C3orf20: variants seen among roughly 807,000 people sequenced by gnomAD.
The protein encoded by C3orf20 is family with sequence similarity 149 member C, also known as uncharacterized protein C3orf20.
A neutral mutation model predicts 88.3 loss-of-function variants in C3orf20; 76 were observed. The ratio of observed to expected loss-of-function variants is 0.86; its 90% CI spans 0.72 to 1.04. C3orf20 has a LOEUF of 1.04. Ranked by LOEUF, C3orf20 falls within the 50% of genes least tolerant of loss-of-function variation. C3orf20 has a pLI of 0.00. For missense variants in C3orf20, 1,056 were observed against 1,123.3 expected, an observed-to-expected ratio of 0.94 and a Z score of 0.86; for synonymous variants, 436 against 437.4, an observed-to-expected ratio of 1.00 and a Z score of 0.04.
chr3:14,757,722 A>G, intron 13 of C3orf20, 48 bp downstream of exon 13: 1 of 1,550,042 alleles, frequency 6.5e-7, no homozygotes, highest in Non-Finnish European at 8.7e-7. Context: ...GGGCAGGGGT[A>G]GTGGGGCAGT....
chr3:14,684,346 G>A lies in C3orf20; in HGVS notation c.589G>A (p.Gly197Arg), dbSNP rs566159298. ...CTTCAACTGCCTGATCAGCACAGCC[G>A]GGAGAAGTGGCTACAGCAGCGGACA... ...MAFNCLISTA[G>R]RSGYSSGQLW... The change falls in exon 4 of 17, where the codon GGG (glycine) becomes AGG (arginine). Residue 197 changes from glycine to arginine, a missense_variant. Physicochemically the swap from Gly to Arg is moderately radical, Grantham distance 125 (BLOSUM62 -2). Transcript: ENST00000253697. 3.6e-5 allele frequency: 58 copies of A among 1,614,136 alleles called. No homozygotes were observed. Among genetic ancestry groups the A allele is most frequent in the East Asian group, 3.6e-4 (16 of 44,884 alleles).
intron 15 of C3orf20, among the ~76,000 whole-genome samples, chr3:14,764,480 TTTATTATTA>T (rs374160361): frequency 1.1e-4 from 16 of 148,746 alleles, no homozygotes; most frequent in East Asian, 5.9e-4. Flanking sequence ...AACACAATCG[TTTATTATTA>T]TTATTATTAT....
intron 14 of C3orf20, among the ~76,000 whole-genome samples, chr3:14,761,020 G>A (rs2035545524): frequency 6.6e-6 from 1 of 152,100 alleles, no homozygotes; most frequent in Admixed American, 6.5e-5. Context: ...TGACCTATGG[G>A]GGTGGGAGCC....
At chr3:14,732,983 G>A (rs2034587676) in intron 12 of C3orf20, among the ~76,000 whole-genome samples, 2 of 152,056 alleles carry the variant, frequency 1.3e-5, no homozygotes, top group Non-Finnish European at 2.9e-5. Flanking sequence ...AATTATCTTT[G>A]CACCTTTGGG....
At chr3:14,735,945 C>CT (rs895267860) in intron 12 of C3orf20, among the ~76,000 whole-genome samples, 2 of 152,234 alleles carry the variant, frequency 1.3e-5, no homozygotes, top group East Asian at 3.9e-4. Flanking sequence ...CACATATTTA[C>CT]TTTTTTCATT....
At chr3:14,740,280 C>T (rs1041938281) in intron 12 of C3orf20, among the ~76,000 whole-genome samples, 1 of 152,096 alleles carries the variant, frequency 6.6e-6, no homozygotes, top group Non-Finnish European at 1.5e-5. Context: ...TGTTATGCCT[C>T]AGGGAATAGG....
chr3:14,719,125 GTT>G lies in C3orf20; in HGVS notation c.1435-2512_1435-2511del, dbSNP rs35504025. On this transcript the variant is annotated intron_variant, in intron 9 of 16. Coordinates refer to ENST00000253697, the MANE Select transcript of C3orf20 (RefSeq NM_032137.5). ...CACTCTTCATAGCCTTTGGGTCATTGTTTTTTTTTTTTTTTTTAATTTTTTCA... is the reference window on the plus strand; with the variant it reads ...CACTCTTCATAGCCTTTGGGTCATTGTTTTTTTTTTTTTTTAATTTTTTCA... Among the ~76,000 whole-genome samples, 151 of 133,174 alleles carry G rather than the reference GTT, an allele frequency of 1.1e-3. 2 individuals carry two copies. The highest frequency in any genetic ancestry group is 4.8e-3 in the Admixed American group (64 of 13,328). The allele number at this position is 133,174 out of a possible 152,430, so 87.4% of individuals were successfully genotyped here. A position where few individuals can be genotyped will look rare whatever the true frequency, so the allele number is the denominator to read the frequency against.
rs2035780486 is a variant in C3orf20, at chr3:14,768,583, G to A, written c.2496-3484G>A. 1.3e-5 allele frequency among the ~76,000 whole-genome samples: 2 copies of A among 151,988 alleles called. No homozygotes were observed. The highest frequency in any genetic ancestry group is 4.8e-5 in the African/African-American group (2 of 41,290). On this transcript the variant is annotated intron_variant, in intron 15 of 16. Transcript: ENST00000253697. The surrounding 1 kb of genome is among the most constrained non-coding windows in gnomAD (Gnocchi z 4.1). ...AGGGACTGGGTTGGGGCTAAGCAGG[G>A]TATCATGAGCTTGTCACAGCAGCAG...
chr3:14,705,457 A>G (rs1472717954), intron 7 of C3orf20, among the ~76,000 whole-genome samples: 11 of 152,236 alleles, frequency 7.2e-5, no homozygotes, highest in Non-Finnish European at 1.6e-4. Context: ...GTCACGTGCA[A>G]TGAAGTCAGA....
chr3:14,704,905 C>G (rs149222155), intron 7 of C3orf20, among the ~76,000 whole-genome samples: 85 of 152,330 alleles, frequency 5.6e-4, no homozygotes, highest in African/African-American at 1.9e-3. Flanking sequence ...AAGTCCCTGC[C>G]TTTGAGAACC....
At chr3:14,709,648 C>A (rs1295401515) in intron 7 of C3orf20, among the ~76,000 whole-genome samples, 1 of 152,132 alleles carries the variant, frequency 6.6e-6, no homozygotes, top group Non-Finnish European at 1.5e-5. Flanking sequence ...CCAACCCCCG[C>A]CATTCTATTA....
chr3:14,719,536 AT>A (rs1467035974), intron 9 of C3orf20, among the ~76,000 whole-genome samples: 2 of 152,160 alleles, frequency 1.3e-5, no homozygotes, highest in Non-Finnish European at 2.9e-5. Flanking sequence ...AGACATGTTT[AT>A]TTGGTTCAGT....
Position 14,752,230 on chromosome 3 carries a change from G to A in C3orf20, c.1941-5141G>A, listed in dbSNP as rs905556219. On this transcript the variant is annotated intron_variant, in intron 12 of 16. Transcript: ENST00000253697. The stretch of plus-strand genomic sequence containing the variant: ...AAACCTGACAAATACACACAATGGG[G>A]AAAGGATTCCCTATTTAATAAATGG... Among the ~76,000 whole-genome samples the A allele has an allele frequency of 6.6e-5, 10 of 152,306 alleles. No homozygotes were observed. In the East Asian group the frequency reaches 1.5e-3, roughly 23 times the overall value.
At chr3:14,688,180 G>A (rs557804084) in intron 4 of C3orf20, among the ~76,000 whole-genome samples, 29 of 152,214 alleles carry the variant, frequency 1.9e-4, no homozygotes, top group East Asian at 3.9e-4. Context: ...TTTCGGGACC[G>A]TCCTCTTATG....
At chr3:14,676,025 A>T (rs1053100830) in intron 1 of C3orf20, among the ~76,000 whole-genome samples, 1 of 151,788 alleles carries the variant, frequency 6.6e-6, no homozygotes. Flanking sequence ...CATTCTCCCT[A>T]AGTCTGAAAG....
chr3:14,754,824 C>T (rs1279001110), intron 12 of C3orf20, among the ~76,000 whole-genome samples: 2 of 152,010 alleles, frequency 1.3e-5, no homozygotes, highest in African/African-American at 4.8e-5. Flanking sequence ...TCCTGGGGTC[C>T]AGCATTCCTC....
At position 14,688,447 on chromosome 3, in the gene C3orf20, G is replaced by A. The variant is rs943248349; in HGVS notation, c.626-1550G>A. ...CTTGGGAGGCTGAGGCTGGAGAATC[G>A]CTTGAACCTGGGAAGCAGAGGTTGC... is the stretch of plus-strand genomic sequence containing the variant. On this transcript the variant is annotated intron_variant, in intron 4 of 16. Transcript: ENST00000253697. Among the ~76,000 whole-genome samples the A allele has an allele frequency of 3.5e-4, 52 of 146,964 alleles. 2 individuals carry two copies. Among genetic ancestry groups the A allele is most frequent in the Admixed American group, 7.1e-5 (1 of 14,174 alleles).
At chr3:14,729,459 T>C (rs756258076) in intron 12 of C3orf20, among the ~76,000 whole-genome samples, 13 of 152,110 alleles carry the variant, frequency 8.5e-5, no homozygotes, top group Non-Finnish European at 1.6e-4. Flanking sequence ...CGACACGAAT[T>C]GACGACTGAG....
intron 9 of C3orf20, among the ~76,000 whole-genome samples, chr3:14,720,533 G>GGTTGTTGTTGTT (rs199995038): frequency 2.7e-5 from 4 of 149,128 alleles, no homozygotes; most frequent in African/African-American, 7.5e-5. Context: ...AGCAGAGAGT[G>GGTTGTTGTTGTT]GTTGTTGTTG....
Sources: allele counts gnomAD v4.1 joint callset (sites outside exome capture counted in the v4.1 genomes callset), GRCh38; gene constraint gnomAD v4.1.1; non-coding constraint Gnocchi (gnomAD v3.1); transcripts MANE v1.5; gene names NCBI Gene and HGNC (gene_info 2026-07-23, HGNC 2026-07-21).